Variants in PREX1 observed in about 807,000 individuals in gnomAD.
The protein encoded by PREX1 is phosphatidylinositol 3,4,5-trisphosphate-dependent Rac exchanger 1 protein.
Under a neutral mutation model 198.3 loss-of-function variants are expected in PREX1, and 41 were observed. That is an observed-to-expected ratio of 0.21 (90% confidence interval 0.16 to 0.27). The LOEUF (loss-of-function observed/expected upper bound fraction) is 0.27. Among genes scored for constraint, PREX1 ranks in the 10% least tolerant of loss-of-function variants. The probability of loss-of-function intolerance (pLI) is 1.00; values close to 1 mark genes in which losing one functional copy is unlikely to be tolerated. For missense variants in PREX1, 1,620 were observed against 2,200.7 expected, an observed-to-expected ratio of 0.74 and a Z score of 5.28; for synonymous variants, 843 against 887.2, an observed-to-expected ratio of 0.95 and a Z score of 0.89.
chr20:48,807,357 C>T (rs1451833683), intron 1 of PREX1, among the ~76,000 whole-genome samples: 2 of 152,028 alleles, frequency 1.3e-5, no homozygotes, highest in Non-Finnish European at 2.9e-5. Flanking sequence ...CACTCAGCAA[C>T]TTATCCCTCC....
At position 48,684,148 on chromosome 20, in the gene PREX1, CAT is replaced by C. The variant is rs2089770798; in HGVS notation, c.1335-2815_1335-2814del. 6.6e-6 allele frequency among the ~76,000 whole-genome samples: 1 copy of C among 152,150 alleles called. No individual in the cohort carries two copies. Among genetic ancestry groups the C allele is most frequent in the East Asian group, 1.9e-4 (1 of 5,190 alleles). On this transcript the variant is annotated intron_variant, in intron 10 of 39. Coordinates refer to ENST00000371941, the MANE Select transcript of PREX1 (RefSeq NM_020820.4). The surrounding 1 kb of genome is among the most constrained non-coding windows in gnomAD (Gnocchi z 4.2). ...CTCCTTCCTTCCCGCCTCCTAGAATCATTCACCCACTAAACATCTATTTAGCC... is the reference window on the plus strand; with the variant it reads ...CTCCTTCCTTCCCGCCTCCTAGAATCTCACCCACTAAACATCTATTTAGCC...
chr20:48,753,186 G>A (rs1307451534), intron 1 of PREX1, among the ~76,000 whole-genome samples: 1 of 152,182 alleles, frequency 6.6e-6, no homozygotes, highest in Non-Finnish European at 1.5e-5. Flanking sequence ...GTCTGCCATG[G>A]ATGTGGCAGG....
intron 5 of PREX1, among the ~76,000 whole-genome samples, chr20:48,718,041 G>A (rs1601094512): frequency 6.6e-6 from 1 of 152,242 alleles, no homozygotes; most frequent in Non-Finnish European, 1.5e-5. Context: ...TAGAAGGGAT[G>A]TGTGTCCTCT....
intron 1 of PREX1, among the ~76,000 whole-genome samples, chr20:48,774,462 T>C (rs2090251574): frequency 6.6e-6 from 1 of 152,218 alleles, no homozygotes; most frequent in African/African-American, 2.4e-5. Context: ...TTTCTGGGGT[T>C]CAGAGCTCTG....
At chr20:48,664,381 A>T (rs1353640387) in intron 15 of PREX1, among the ~76,000 whole-genome samples, 1 of 151,820 alleles carries the variant, frequency 6.6e-6, no homozygotes, top group African/African-American at 2.4e-5. Flanking sequence ...TCTGAAAAAA[A>T]AAAAAAAGAG....
At position 48,624,695 on chromosome 20, in the gene PREX1, G is replaced by A. The variant is rs1344195574; in HGVS notation, c.*1190C>T. On this transcript the variant is annotated 3_prime_UTR_variant, in exon 40 of 40. Coordinates refer to ENST00000371941, the MANE Select transcript of PREX1 (RefSeq NM_020820.4). The stretch of plus-strand genomic sequence containing the variant: ...GTGGGTCCCTCCTCCCCAGCAGGCA[G>A]GGTGGCTTCCTGTGCTCTGGCTGGT... 6.6e-6 allele frequency: 1 copy of A among 152,286 alleles called. No homozygotes were observed. The highest frequency in any genetic ancestry group is 1.5e-5 in the Non-Finnish European group (1 of 68,074). The allele number at this position is 152,286 out of a possible 1,614,324, so 9.4% of individuals were successfully genotyped here. A position where few individuals can be genotyped will look rare whatever the true frequency, so the allele number is the denominator to read the frequency against.
intron 29 of PREX1, among the ~76,000 whole-genome samples, chr20:48,641,837 A>AGG (rs2089413042): frequency 9.1e-6 from 1 of 109,470 alleles, no homozygotes; most frequent in African/African-American, 4.2e-5. Context: ...AGAGAGAGAG[A>AGG]GAGAGGAAGG....
intron 37 of PREX1, 143 bp downstream of exon 37, chr20:48,629,306 T>A: frequency 8.6e-7 from 1 of 1,164,614 alleles, no homozygotes; most frequent in Non-Finnish European, 1.2e-6. Flanking sequence ...CAAACTGAGG[T>A]GCAGACAGAG....
At chr20:48,647,056 C>T (rs532291449) in intron 25 of PREX1, among the ~76,000 whole-genome samples, 1 of 151,790 alleles carries the variant, frequency 6.6e-6, no homozygotes, top group South Asian at 2.1e-4. Flanking sequence ...GCTGTGAGAC[C>T]GCATCTCTGT....
intron 3 of PREX1, among the ~76,000 whole-genome samples, chr20:48,737,707 CG>C (rs2090063391): frequency 6.6e-6 from 1 of 152,176 alleles, no homozygotes; most frequent in African/African-American, 2.4e-5. Context: ...CGCAAGGACT[CG>C]AGCTGGAATC....
In PREX1 at chr20:48,708,427, G is replaced by A; in HGVS notation, c.622-6C>T. On this transcript the variant is annotated splice_polypyrimidine_tract_variant and splice_region_variant and intron_variant, in intron 5 of 39. Transcript: ENST00000371941. ...GGAGTCCTCTTGGCCAGCTCCTGGG[G>A]TAGAATAGAGGTGGGGAGAAGAAAG... The A allele has an allele frequency of 6.2e-7, 1 of 1,613,904 alleles. No homozygotes were observed. The highest frequency in any genetic ancestry group is 8.5e-7 in the Non-Finnish European group (1 of 1,179,884).
intron 25 of PREX1, among the ~76,000 whole-genome samples, chr20:48,648,642 T>C (rs913343113): frequency 1.3e-5 from 2 of 152,190 alleles, no homozygotes; most frequent in South Asian, 2.1e-4. Flanking sequence ...ATGGACGTGC[T>C]AGAAACCTGC....
chr20:48,627,735 C>A, intron 38 of PREX1, 120 bp from the exon 39 acceptor site: 1 of 1,397,350 alleles, frequency 7.2e-7, no homozygotes. Flanking sequence ...TCCTTGCTCC[C>A]CTCCAGATTC....
intron 5 of PREX1, among the ~76,000 whole-genome samples, chr20:48,720,595 C>G (rs1363818611): frequency 6.6e-6 from 1 of 152,064 alleles, no homozygotes; most frequent in African/African-American, 2.4e-5. Flanking sequence ...GTTGGCTTCT[C>G]CCCTTCCCCC....
At chr20:48,733,855 A>G (rs2090045724) in intron 4 of PREX1, among the ~76,000 whole-genome samples, 1 of 152,036 alleles carries the variant, frequency 6.6e-6, no homozygotes, top group African/African-American at 2.4e-5. Flanking sequence ...GGTTCAAGCA[A>G]TTCTCCTGCT....
intron 15 of PREX1, among the ~76,000 whole-genome samples, chr20:48,662,345 G>A (rs748365607): frequency 6.6e-6 from 1 of 152,188 alleles, no homozygotes; most frequent in Non-Finnish European, 1.5e-5. Flanking sequence ...TCAAGTCCAC[G>A]AGCTCAGCCA....
intron 5 of PREX1, among the ~76,000 whole-genome samples, chr20:48,724,696 C>A (rs1415872166): frequency 2.0e-5 from 3 of 152,266 alleles, no homozygotes; most frequent in Admixed American, 6.5e-5. Flanking sequence ...ATATTTGGCC[C>A]AGAGGCCACA....
intron 1 of PREX1, among the ~76,000 whole-genome samples, chr20:48,806,094 C>T (rs2090410634): frequency 6.6e-6 from 1 of 152,190 alleles, no homozygotes; most frequent in Non-Finnish European, 1.5e-5. Flanking sequence ...CTACCTGCTT[C>T]ATGACAGTAG....
intron 1 of PREX1, among the ~76,000 whole-genome samples, chr20:48,758,415 T>C (rs868866607): frequency 7.9e-5 from 12 of 151,850 alleles, no homozygotes; most frequent in East Asian, 3.9e-4. Context: ...CCTGGAGTGG[T>C]TGAGGTGTCG....
Sources: allele counts gnomAD v4.1 joint callset (sites outside exome capture counted in the v4.1 genomes callset), GRCh38; gene constraint gnomAD v4.1.1; non-coding constraint Gnocchi (gnomAD v3.1); transcripts MANE v1.5; gene names NCBI Gene and HGNC (gene_info 2026-07-23, HGNC 2026-07-21).